The following SYNE1 variants were observed in gnomAD, a reference collection of about 807,000 sequenced individuals.
The protein encoded by SYNE1 is spectrin repeat containing nuclear envelope protein 1.
A neutral mutation model predicts 1,111.0 loss-of-function variants in SYNE1; 616 were observed. The observed-to-expected ratio is 0.55, with a 90% CI of 0.52 to 0.59. The LOEUF is 0.59. Among genes scored for constraint, SYNE1 ranks in the 20% least tolerant of loss-of-function variants. The pLI, the probability that SYNE1 is intolerant of heterozygous loss-of-function variation, is 0.00. For synonymous variants in SYNE1, 3,855 were observed against 3,825.8 expected, an observed-to-expected ratio of 1.01 and a Z score of -0.28; for missense variants, 10,006 against 10,417.0, an observed-to-expected ratio of 0.96 and a Z score of 1.72.
chr6:152,279,764 A>C (rs1589255543), intron 97 of SYNE1, among the ~76,000 whole-genome samples: 2 of 151,894 alleles, frequency 1.3e-5, no homozygotes, highest in East Asian at 3.9e-4. Context: ...AAAAAACTAG[A>C]ACTAAGTAGA....
chr6:152,307,283 A>G (rs2095410346), intron 91 of SYNE1, among the ~76,000 whole-genome samples: 1 of 152,218 alleles, frequency 6.6e-6, no homozygotes, highest in Non-Finnish European at 1.5e-5. Context: ...ATGTTTGTAG[A>G]TGTCAAGAAA....
intron 3 of SYNE1, among the ~76,000 whole-genome samples, chr6:152,617,970 G>T (rs551810205): frequency 6.6e-6 from 1 of 152,242 alleles, no homozygotes; most frequent in Admixed American, 6.5e-5. Flanking sequence ...AAAAAGGAAG[G>T]TTAATCGAAG....
intron 29 of SYNE1, among the ~76,000 whole-genome samples, chr6:152,445,007 C>G (rs214994): frequency 0.56 from 84,505 of 151,908 alleles, 26,289 homozygotes; most frequent in African/African-American, 0.84. Flanking sequence ...TATTACTCAG[C>G]CTTATTCCAT....
At chr6:152,240,914 T>A (rs1190409959) in intron 107 of SYNE1, among the ~76,000 whole-genome samples, 1 of 152,166 alleles carries the variant, frequency 6.6e-6, no homozygotes, top group African/African-American at 2.4e-5. Flanking sequence ...GCTAGAATCA[T>A]TATTTTTAAC....
intron 96 of SYNE1, among the ~76,000 whole-genome samples, chr6:152,283,760 C>T (rs1259280088): frequency 1.3e-5 from 2 of 152,176 alleles, no homozygotes; most frequent in Admixed American, 6.5e-5. Context: ...TGGTTTCAAA[C>T]TCCTGACCTC....
At chr6:152,214,131 T>G (rs1352301883) in intron 122 of SYNE1, among the ~76,000 whole-genome samples, 2 of 148,060 alleles carry the variant, frequency 1.4e-5, no homozygotes, top group South Asian at 2.1e-4. Context: ...AACCCAACAT[T>G]GCAGTGAGCC....
chr6:152,604,584 A>G (rs757250320), intron 3 of SYNE1, among the ~76,000 whole-genome samples: 3 of 152,110 alleles, frequency 2.0e-5, no homozygotes, highest in Admixed American at 6.6e-5. Context: ...AATTACAGGC[A>G]TGAGCCACTG....
At chr6:152,546,474 T>G (rs1266005160) in intron 3 of SYNE1, 8 of 152,296 alleles carry the variant, frequency 5.3e-5, no homozygotes, top group Non-Finnish European at 1.2e-4. Context: ...TGATTTTAAG[T>G]GACATCTGAG....
intron 91 of SYNE1, among the ~76,000 whole-genome samples, chr6:152,307,466 A>G (rs1214036115): frequency 6.6e-6 from 1 of 152,202 alleles, no homozygotes; most frequent in African/African-American, 2.4e-5. Context: ...CTCTATCCTT[A>G]GTACAGAAAA....
rs1267863964 is a variant in SYNE1, at chr6:152,581,786, TG to T, written c.68-41766del. Among the ~76,000 whole-genome samples the T allele has an allele frequency of 7.9e-5, 12 of 152,308 alleles. No homozygotes were observed. In the South Asian group the frequency reaches 2.3e-3, roughly 29 times the overall value. On this transcript the variant is annotated intron_variant, in intron 3 of 145. Transcript: ENST00000367255. ...AGACTCACTGAGTCAAAATCACCAG[TG>T]GTGGGATCCAGGGTTTGAATTTTTG...
At chr6:152,632,568 T>G (rs1387541445) in intron 2 of SYNE1, among the ~76,000 whole-genome samples, 1 of 152,198 alleles carries the variant, frequency 6.6e-6, no homozygotes, top group African/African-American at 2.4e-5. Context: ...GAGCTGGTTC[T>G]ATGCATGAAG....
chr6:152,506,497 T>G (rs976424193), intron 8 of SYNE1, among the ~76,000 whole-genome samples: 1 of 152,074 alleles, frequency 6.6e-6, no homozygotes, highest in Non-Finnish European at 1.5e-5. Flanking sequence ...GGTATGCTGA[T>G]TAATATAATA....
intron 100 of SYNE1, among the ~76,000 whole-genome samples, chr6:152,265,439 A>T (rs1334307528): frequency 1.3e-5 from 2 of 152,118 alleles, no homozygotes; most frequent in African/African-American, 2.4e-5. Flanking sequence ...GAGTGTCTAT[A>T]ATATTAGTAT....
intron 6 of SYNE1, 55 bp from the exon 7 acceptor site, chr6:152,511,158 T>A (rs2099082948): frequency 1.3e-6 from 2 of 1,485,436 alleles, no homozygotes; most frequent in Non-Finnish European, 1.9e-6. Flanking sequence ...ATAACTCATT[T>A]AATTATGTAA....
chr6:152,198,716 T>C (rs2074711794), intron 127 of SYNE1, among the ~76,000 whole-genome samples: 1 of 152,090 alleles, frequency 6.6e-6, no homozygotes, highest in African/African-American at 2.4e-5. Context: ...TTGGGAACAT[T>C]GTTGGTGGAG....
At chr6:152,306,296 G>A (rs1247592871) in intron 91 of SYNE1, among the ~76,000 whole-genome samples, 2 of 152,052 alleles carry the variant, frequency 1.3e-5, no homozygotes, top group East Asian at 1.9e-4. Context: ...TACCAGCCTG[G>A]CCAACGTGGT....
At chr6:152,124,572 C>T (rs1432188267) in intron 145 of SYNE1, among the ~76,000 whole-genome samples, 1 of 152,116 alleles carries the variant, frequency 6.6e-6, no homozygotes, top group Admixed American at 6.6e-5. Flanking sequence ...TTTTTGTCTT[C>T]TACTGATTTG....
intron 72 of SYNE1, among the ~76,000 whole-genome samples, chr6:152,349,060 C>G (rs987336248): frequency 3.3e-5 from 5 of 152,154 alleles, no homozygotes; most frequent in Admixed American, 1.3e-4. Context: ...TAAATAAAAT[C>G]CTTTCTTATA....
At chr6:152,279,759 A>G (rs2093916750) in intron 97 of SYNE1, among the ~76,000 whole-genome samples, 1 of 151,748 alleles carries the variant, frequency 6.6e-6, no homozygotes, top group Non-Finnish European at 1.5e-5. Context: ...AAACCAAAAA[A>G]CTAGAACTAA....
Sources: gnomAD v4.1 joint callset for allele counts (sites outside exome capture counted in the v4.1 genomes callset) on GRCh38, gnomAD v4.1.1 for gene constraint, MANE v1.5 for transcripts, NCBI Gene and HGNC (gene_info 2026-07-23, HGNC 2026-07-21) for gene names.